Variants in UQCC6 observed in about 807,000 individuals in gnomAD.
UQCC6 encodes the protein protein BRAWNIN.
chr12:103,951,585 G>A, the UQCC6 span: 1 of 1,548,576 alleles, frequency 6.5e-7, no homozygotes, highest in African/African-American at 1.4e-5. Flanking sequence ...AGTCCCAAAA[G>A]CTCCGTTTTG....
chr12:103,951,751 A>G, the UQCC6 span: 4 of 585,662 alleles, frequency 6.8e-6, no homozygotes, highest in Non-Finnish European at 1.2e-5. Flanking sequence ...TTGCTACTCA[A>G]TGATAACTCT....
At chr12:103,956,546 T>C in the UQCC6 span, 1 of 913,778 alleles carries the variant, frequency 1.1e-6, no homozygotes, top group Non-Finnish European at 1.7e-6. Context: ...TGCATTGCTA[T>C]AAAGGAATGC....
chr12:103,951,961 T>TCTAC, the UQCC6 span, among the ~76,000 whole-genome samples: 1 of 152,234 alleles, frequency 6.6e-6, no homozygotes, highest in Non-Finnish European at 1.5e-5. Flanking sequence ...CTACTGACTC[T>TCTAC]CTACCATGTG....
At chr12:103,958,194 C>A in the UQCC6 span, among the ~76,000 whole-genome samples, 2 of 145,246 alleles carry the variant, frequency 1.4e-5, no homozygotes, top group Admixed American at 6.9e-5. Context: ...CCAGCCTGGG[C>A]AACAGAGCAA....
chr12:103,956,996 T>C, the UQCC6 span: 1 of 510,022 alleles, frequency 2.0e-6, no homozygotes. Flanking sequence ...CCGGCCTGCG[T>C]GCGGCATTAA....
At chr12:103,956,847 G>A in the UQCC6 span, 20 of 719,740 alleles carry the variant, frequency 2.8e-5, no homozygotes, top group East Asian at 2.8e-5. Flanking sequence ...CGAGACACAC[G>A]GCGGCGGGGG....
the UQCC6 span, chr12:103,957,059 C>T: frequency 2.7e-6 from 1 of 365,444 alleles, no homozygotes; most frequent in African/African-American, 2.1e-5. Context: ...TTTCCCCGCG[C>T]CCCTTCTACC....
At chr12:103,965,315 CT>C in the UQCC6 span, among the ~76,000 whole-genome samples, 2 of 152,102 alleles carry the variant, frequency 1.3e-5, no homozygotes, top group Non-Finnish European at 2.9e-5. Flanking sequence ...CGAATGGGAT[CT>C]AGTCTCGTAG....
chr12:103,956,044 C>A, the UQCC6 span, among the ~76,000 whole-genome samples: 2 of 152,142 alleles, frequency 1.3e-5, no homozygotes, highest in Admixed American at 6.5e-5. Context: ...CTGAAGCAAA[C>A]TGACAAAGAA....
chr12:103,959,639 G>A, the UQCC6 span, among the ~76,000 whole-genome samples: 1,139 of 151,884 alleles, frequency 7.5e-3, 11 homozygotes, highest in African/African-American at 0.026. Flanking sequence ...TTGAATCCAG[G>A]AGGTGGAGGT....
At chr12:103,957,763 G>C in the UQCC6 span, among the ~76,000 whole-genome samples, 1 of 151,592 alleles carries the variant, frequency 6.6e-6, no homozygotes, top group Non-Finnish European at 1.5e-5. Context: ...CAAGGGCCGG[G>C]GGCGGTGGCT....
chr12:103,962,817 AC>A, the UQCC6 span, among the ~76,000 whole-genome samples: 1 of 152,240 alleles, frequency 6.6e-6, no homozygotes, highest in African/African-American at 2.4e-5. Flanking sequence ...TGGAGTTGTA[AC>A]ACTGCTGCCT....
the UQCC6 span, chr12:103,953,655 C>T: frequency 1.5e-6 from 1 of 683,772 alleles, no homozygotes; most frequent in Non-Finnish European, 2.7e-6. Flanking sequence ...AGCCAGCCAC[C>T]TGGGCCTTCA....
At chr12:103,961,222 A>G in the UQCC6 span, among the ~76,000 whole-genome samples, 6 of 152,166 alleles carry the variant, frequency 3.9e-5, no homozygotes, top group Non-Finnish European at 5.9e-5. Context: ...TTATAGAATA[A>G]GGATATAAGA....
At chr12:103,957,912 A>T in the UQCC6 span, among the ~76,000 whole-genome samples, 2 of 141,080 alleles carry the variant, frequency 1.4e-5, no homozygotes, top group African/African-American at 2.5e-5. Context: ...TATAATATAT[A>T]TTTTTAAATA....
the UQCC6 span, chr12:103,957,002 A>G: frequency 4.1e-6 from 2 of 493,626 alleles, no homozygotes; most frequent in Non-Finnish European, 7.4e-6. Context: ...TGCGTGCGGC[A>G]TTAAAGGGAG....
At chr12:103,952,132 G>A in the UQCC6 span, among the ~76,000 whole-genome samples, 1 of 152,216 alleles carries the variant, frequency 6.6e-6, no homozygotes, top group South Asian at 2.1e-4. Context: ...ATAAATTTTA[G>A]AAAATTTTCA....
At chr12:103,964,192 G>T in the UQCC6 span, among the ~76,000 whole-genome samples, 1 of 137,292 alleles carries the variant, frequency 7.3e-6, no homozygotes, top group Non-Finnish European at 1.5e-5. Context: ...TCACTCTGTA[G>T]CCCAGGCTGG....
At chr12:103,951,276 G>C in the UQCC6 span, 3 of 329,252 alleles carry the variant, frequency 9.1e-6, no homozygotes. Context: ...ATTCTATTTC[G>C]CGTTATATTC....
Sources: gnomAD v4.1 joint callset for allele counts (sites outside exome capture counted in the v4.1 genomes callset) on GRCh38, gnomAD v4.1.1 for gene constraint, MANE v1.5 for transcripts, NCBI Gene and HGNC (gene_info 2026-07-23, HGNC 2026-07-21) for gene names.